TM9SF3: variants seen among roughly 807,000 people sequenced by gnomAD.
The protein encoded by TM9SF3 is SM-11044-binding protein.
In TM9SF3, 14 loss-of-function variants were observed where a neutral mutation model predicts 78.6. The ratio of observed to expected loss-of-function variants is 0.18; its 90% confidence interval spans 0.12 to 0.28. TM9SF3 has a LOEUF of 0.28. TM9SF3 is among the 10% of genes least tolerant of loss of function. TM9SF3 has a pLI of 1.00. For missense variants in TM9SF3, 496 were observed against 721.9 expected (o/e 0.69, Z 3.59); for synonymous variants, 231 against 241.7 (o/e 0.96, Z 0.41).
intron 5 of TM9SF3, among the ~76,000 whole-genome samples, chr10:96,559,408 C>A (rs145406921): frequency 2.3e-5 from 2 of 87,336 alleles, no homozygotes; most frequent in East Asian, 6.9e-4. Flanking sequence ...GATATTTTGG[C>A]TTCCCGTATG....
At position 96,519,275 on chromosome 10, in the gene TM9SF3, A is replaced by G. The variant is rs1847732365; in HGVS notation, c.*2988T>C. ...GAAGAACTGGATTTTGCAGCAACCA[A>G]CTTTATAAAGAGGTCCATCCACTCT... On this transcript the variant is annotated 3_prime_UTR_variant, in exon 15 of 15. Coordinates refer to ENST00000371142, the MANE Select transcript of TM9SF3 (RefSeq NM_020123.4). 6.6e-6 allele frequency: 1 copy of G among 151,978 alleles called. No homozygotes were observed. The highest frequency in any genetic ancestry group is 1.5e-5 in the Non-Finnish European group (1 of 67,870). The allele number at this position is 151,978 out of a possible 1,614,324, so 9.4% of individuals were successfully genotyped here.
intron 6 of TM9SF3, among the ~76,000 whole-genome samples, chr10:96,551,923 A>AT (rs142178984): frequency 1.3e-5 from 2 of 152,012 alleles, no homozygotes; most frequent in African/African-American, 4.8e-5. Flanking sequence ...GTCTATATGC[A>AT]TTTTTTTAAA....
chr10:96,578,296 AAAGT>A (rs1415878475), intron 1 of TM9SF3, among the ~76,000 whole-genome samples: 4 of 152,216 alleles, frequency 2.6e-5, no homozygotes, highest in East Asian at 1.9e-4. Flanking sequence ...TAAGAATATA[AAAGT>A]AAGTAAAATA....
chr10:96,562,222 T>TG, intron 3 of TM9SF3, 84 bp from the exon 4 acceptor site: 7 of 1,106,440 alleles, frequency 6.3e-6, no homozygotes, highest in East Asian at 2.7e-5. Context: ...TTAAGTTTTT[T>TG]TTTTTTTTTT....
At chr10:96,544,619 AG>A (rs778497451) in intron 8 of TM9SF3, among the ~76,000 whole-genome samples, 1 of 152,318 alleles carries the variant, frequency 6.6e-6, no homozygotes. Context: ...TCACTGGTGA[AG>A]AAAAATCCCA....
rs780899427 is a variant in TM9SF3, at chr10:96,562,097, G to T, written c.463C>A (p.Leu155Ile). 1 of 1,612,490 alleles carries T rather than the reference G, an allele frequency of 6.2e-7. No homozygotes were observed. Among genetic ancestry groups the T allele is most frequent in the South Asian group, 1.1e-5 (1 of 90,936 alleles). The change falls in exon 4 of 15, where the codon CTT becomes ATT. Residue 155 changes from leucine (L) to isoleucine (I), a missense_variant. This residue lies in a region of TM9SF3 where 155 missense variants were observed against 241.6 expected (regional missense o/e 0.64). Coordinates refer to ENST00000371142, the MANE Select transcript of TM9SF3 (RefSeq NM_020123.4). ...EADENGEDYYLWTYKKLEIGF... is the reference protein window; with the variant it reads ...EADENGEDYYIWTYKKLEIGF... ...ATTTCAAGTTTTTTATAGGTCCAAA[G>T]ATAGTAATCTTCTCCATTTTCATCA...
chr10:96,524,503 G>A (rs1169968682), intron 14 of TM9SF3, among the ~76,000 whole-genome samples: 2 of 151,756 alleles, frequency 1.3e-5, no homozygotes, highest in Non-Finnish European at 3.0e-5. Context: ...GCAGAAATAT[G>A]CTTAAAATCA....
At chr10:96,551,467 A>C in intron 6 of TM9SF3, 56 bp from the exon 7 acceptor site, 1 of 1,274,858 alleles carries the variant, frequency 7.8e-7, no homozygotes, top group Non-Finnish European at 1.0e-6. Context: ...AATCAAACTA[A>C]AACATAGTAT....
At chr10:96,573,421 T>G (rs889504010) in intron 2 of TM9SF3, among the ~76,000 whole-genome samples, 1 of 152,150 alleles carries the variant, frequency 6.6e-6, no homozygotes, top group Admixed American at 6.5e-5. Context: ...CGAAGATAAA[T>G]CTAATCAGCA....
rs528226259 is a variant in TM9SF3, at chr10:96,575,959, A to G, written c.298+675T>C. ...GACCTGATAAATGGATACCTGCATA[A>G]TAACTAGATACGATGAAGTATTTTC... On this transcript the variant is annotated intron_variant, in intron 2 of 14. Coordinates refer to ENST00000371142, the MANE Select transcript of TM9SF3 (RefSeq NM_020123.4). Among the ~76,000 whole-genome samples, 199 of 152,370 alleles carry G rather than the reference A, an allele frequency of 1.3e-3. 3 individuals carry two copies. The highest frequency in any genetic ancestry group is 4.6e-3 in the African/African-American group (193 of 41,590).
intron 1 of TM9SF3, among the ~76,000 whole-genome samples, chr10:96,579,570 T>C (rs1418057309): frequency 6.6e-6 from 1 of 152,218 alleles, no homozygotes; most frequent in African/African-American, 2.4e-5. Flanking sequence ...TCAGGAATCC[T>C]TAACAGAGTG....
chr10:96,532,952 T>C (rs1847914498), intron 10 of TM9SF3, 99 bp downstream of exon 10: 3 of 1,405,268 alleles, frequency 2.1e-6, no homozygotes, highest in South Asian at 1.4e-5. Context: ...ATTGTCATTA[T>C]CATAAATACA....
At chr10:96,586,454 G>A (rs1218647245) in intron 1 of TM9SF3, among the ~76,000 whole-genome samples, 1 of 152,112 alleles carries the variant, frequency 6.6e-6, no homozygotes, top group Admixed American at 6.5e-5. Context: ...CCTGGCCCCA[G>A]GGTCCCAGGA....
chr10:96,528,038 A>T lies in TM9SF3; in HGVS notation c.1534T>A (p.Tyr512Asn). Residue 512 changes from tyrosine (Y) to asparagine (N), a missense_variant, in exon 12 of 15, where the codon TAC becomes AAC. Physicochemically the swap from Tyr to Asn is moderately radical, Grantham distance 143. Coordinates refer to ENST00000371142, the MANE Select transcript of TM9SF3 (RefSeq NM_020123.4). ...CTYFLLNAED[Y>N]RWQWTSFLSA... The stretch of plus-strand genomic sequence containing the variant: ...CCACAAATAGGTACTTACCACCGGT[A>T]ATCTTCTGCATTTAGTAGAAAATAT... The T allele has an allele frequency of 6.2e-7, 1 of 1,610,506 alleles. No individual in the cohort carries two copies. The highest frequency in any genetic ancestry group is 8.5e-7 in the Non-Finnish European group (1 of 1,177,976).
intron 1 of TM9SF3, among the ~76,000 whole-genome samples, chr10:96,583,698 A>T (rs1184576045): frequency 6.6e-6 from 1 of 150,626 alleles, no homozygotes; most frequent in Non-Finnish European, 1.5e-5. Context: ...CTCACCTCGT[A>T]GGTTATTAAT....
chr10:96,523,574 A>C (rs768629400), intron 14 of TM9SF3, among the ~76,000 whole-genome samples: 12 of 151,906 alleles, frequency 7.9e-5, no homozygotes, highest in Non-Finnish European at 1.5e-4. Context: ...CTAACTTCAC[A>C]AAGAAATAGA....
At chr10:96,550,730 C>T (rs1415401488) in intron 7 of TM9SF3, among the ~76,000 whole-genome samples, 1 of 152,102 alleles carries the variant, frequency 6.6e-6, no homozygotes, top group Non-Finnish European at 1.5e-5. Context: ...AGATAGGATG[C>T]ATACTGACCT....
intron 5 of TM9SF3, among the ~76,000 whole-genome samples, chr10:96,557,757 A>T (rs118080635): frequency 6.6e-6 from 1 of 152,278 alleles, no homozygotes; most frequent in Non-Finnish European, 1.5e-5. Flanking sequence ...TATTTCCTTC[A>T]ACTCCTTCAA....
At chr10:96,532,920 ACTT>A in intron 10 of TM9SF3, 128 bp downstream of exon 10, 1 of 1,128,924 alleles carries the variant, frequency 8.9e-7, no homozygotes, top group Non-Finnish European at 1.2e-6. Context: ...AGTAAAATGA[ACTT>A]CTTAGGCTCA....
Sources: gnomAD v4.1 joint callset for allele counts (sites outside exome capture counted in the v4.1 genomes callset) on GRCh38, gnomAD v4.1.1 for gene constraint, gnomAD v4.1.1 regional missense constraint, MANE v1.5 for transcripts, NCBI Gene and HGNC (gene_info 2026-07-23, HGNC 2026-07-21) for gene names.